NRK: variants seen among roughly 807,000 people sequenced by gnomAD.
The protein encoded by NRK is nik-related protein kinase.
Under a neutral mutation model 125.2 loss-of-function variants are expected in NRK, and 67 were observed. The observed-to-expected ratio is 0.54, with a 90% confidence interval of 0.44 to 0.66. NRK has a LOEUF of 0.66. NRK is among the 30% of genes least tolerant of loss of function. The pLI is 0.00. For missense variants in NRK, 1,224 were observed against 1,192.9 expected (o/e 1.03, Z -0.38); for synonymous variants, 458 against 429.0 (o/e 1.07, Z -0.84).
intron 19 of NRK, among the ~76,000 whole-genome samples, chrX:105,933,047 C>T (rs1483911801): frequency 9.0e-6 from 1 of 110,800 alleles, no homozygotes; most frequent in Non-Finnish European, 1.9e-5. Flanking sequence ...ATATGATAGG[C>T]ACACAGTAAT....
At chrX:105,910,211 A>C (rs2040281119) in intron 13 of NRK, among the ~76,000 whole-genome samples, 1 of 112,171 alleles carries the variant, frequency 8.9e-6, no homozygotes, top group African/African-American at 3.2e-5. Flanking sequence ...TCATAGCTTA[A>C]AATTTCAAAG....
chrX:105,893,860 C>G lies in NRK; in HGVS notation c.407C>G (p.Ser136Trp). ...WMVMELCAAG[S>W]VTDVVRMTSN... ...GTGATGGAGTTATGTGCAGCAGGTT[C>G]GGTCACTGATGTAGTGAGAATGACC... The change falls in exon 6 of 29, where the codon TCG becomes TGG. Residue 136 changes from serine to tryptophan, a missense_variant. Coordinates refer to ENST00000243300, the MANE Select transcript of NRK (RefSeq NM_198465.4). 8.3e-7 allele frequency: 1 copy of G among 1,198,175 alleles called. No individual in the cohort carries two copies. Among genetic ancestry groups the G allele is most frequent in the Non-Finnish European group, 1.1e-6 (1 of 883,625 alleles).
chrX:105,912,122 CT>C (rs1190922640), intron 13 of NRK, among the ~76,000 whole-genome samples: 1 of 111,380 alleles, frequency 9.0e-6, no homozygotes, highest in Non-Finnish European at 1.9e-5. Context: ...TTTTATTAAT[CT>C]TTCAGTTGAA....
In NRK at chrX:105,895,451, G is replaced by T; in HGVS notation, c.508G>T (p.Ala170Ser). ...EILQGLAHLH[A>S]HRVIHRDIKG... ...TATACAGGGCTTAGCTCACCTTCAC[G>T]CACACCGAGTAATTCACCGGGACAT... Residue 170 changes from alanine to serine, a missense_variant, in exon 7 of 29, where the codon GCA (alanine) becomes TCA (serine). By Grantham distance (99) the Ala-to-Ser change is moderately conservative. Coordinates refer to ENST00000243300, the MANE Select transcript of NRK (RefSeq NM_198465.4). 2 of 1,202,119 alleles carry T rather than the reference G, an allele frequency of 1.7e-6. No homozygotes were observed. The highest frequency in any genetic ancestry group is 2.3e-6 in the Non-Finnish European group (2 of 887,044).
chrX:105,880,092 A>G (rs1390359095), intron 2 of NRK, 107 bp from the exon 3 acceptor site: 1 of 290,926 alleles, frequency 3.4e-6, no homozygotes, highest in Non-Finnish European at 6.1e-6. Context: ...ATATTTTATA[A>G]CATACAATGT....
In NRK at chrX:105,831,035, T is replaced by G. The variant is rs759705929; in HGVS notation, c.58-19T>G. ...AATTTCCTAAGAAGATTAACAATTT[T>G]TATTTTACTTTTTTGCAGGATCCAA... On this transcript the variant is annotated intron_variant, in intron 1 of 28. Coordinates refer to ENST00000243300, the MANE Select transcript of NRK (RefSeq NM_198465.4). The G allele has an allele frequency of 8.5e-5, 90 of 1,056,061 alleles. No individual in the cohort carries two copies. The highest frequency in any genetic ancestry group is 8.1e-5 in the Non-Finnish European group (62 of 761,829). 87.0% of individuals were successfully genotyped at this position (1,056,061 alleles called of 1,213,427 possible). A position where few individuals can be genotyped will look rare whatever the true frequency, so the allele number is the denominator to read the frequency against.
chrX:105,899,822 G>A (rs1302997326), intron 8 of NRK, among the ~76,000 whole-genome samples: 4 of 110,426 alleles, frequency 3.6e-5, no homozygotes, highest in Non-Finnish European at 7.6e-5. Flanking sequence ...CAAAAAATTA[G>A]CCAGGCGTGG....
chrX:105,933,193 T>TATC (rs1469896257), intron 19 of NRK, among the ~76,000 whole-genome samples: 1 of 110,717 alleles, frequency 9.0e-6, no homozygotes, highest in East Asian at 2.9e-4. Flanking sequence ...TCTATCTATC[T>TATC]ATCTATCTAT....
chrX:105,948,677 G>A (rs932470256), intron 26 of NRK: 19 of 503,461 alleles, frequency 3.8e-5, no homozygotes, highest in African/African-American at 3.1e-4. Flanking sequence ...ATTGCTTTTC[G>A]TCTCTGGATC....
chrX:105,841,998 T>A (rs925908598), intron 2 of NRK, among the ~76,000 whole-genome samples: 1 of 111,156 alleles, frequency 9.0e-6, no homozygotes, highest in Admixed American at 9.6e-5. Flanking sequence ...AAAGTCAGGA[T>A]TTAAACCAAA....
intron 2 of NRK, among the ~76,000 whole-genome samples, chrX:105,833,383 C>T (rs1328770162): frequency 1.8e-5 from 2 of 111,324 alleles, no homozygotes; most frequent in Non-Finnish European, 3.8e-5. Flanking sequence ...ACATCTTATA[C>T]ATAGACAAAA....
chrX:105,890,294 G>C (rs2040001112), intron 5 of NRK, among the ~76,000 whole-genome samples: 1 of 111,445 alleles, frequency 9.0e-6, no homozygotes, highest in African/African-American at 3.3e-5. Context: ...TCAGCACTTT[G>C]GTCAAGGTCA....
At chrX:105,922,123 A>C in intron 17 of NRK, 62 bp downstream of exon 17, 1 of 546,007 alleles carries the variant, frequency 1.8e-6, no homozygotes, top group Non-Finnish European at 3.1e-6. Context: ...ATTTTGACTT[A>C]CACATTCTCA....
chrX:105,932,112 C>T (rs1403493301), intron 19 of NRK, among the ~76,000 whole-genome samples: 1 of 111,627 alleles, frequency 9.0e-6, no homozygotes, highest in Admixed American at 9.5e-5. Context: ...GCTTATTTCA[C>T]TTTTTAGGTT....
intron 15 of NRK, among the ~76,000 whole-genome samples, chrX:105,916,564 A>G (rs1394284874): frequency 9.0e-6 from 1 of 111,714 alleles, no homozygotes; most frequent in Admixed American, 9.5e-5. Flanking sequence ...GTTATGTAGT[A>G]TATATTTTCT....
chrX:105,841,454 G>T (rs188557079), intron 2 of NRK, among the ~76,000 whole-genome samples: 24 of 111,830 alleles, frequency 2.1e-4, no homozygotes, highest in African/African-American at 7.5e-4. Context: ...TAGAAATTAT[G>T]ATATGACGGT....
In NRK at chrX:105,912,692, G is replaced by A. The variant is rs757357739; in HGVS notation, c.2286G>A (p.Ser762=). 28 of 1,130,988 alleles carry A rather than the reference G, an allele frequency of 2.5e-5. No homozygotes were observed. Among genetic ancestry groups the A allele is most frequent in the Non-Finnish European group, 3.2e-5 (27 of 847,503 alleles). 93.2% of individuals were successfully genotyped at this position (1,130,988 alleles called of 1,213,427 possible). Residue 762 remains serine, a synonymous_variant, in exon 14 of 29, where the codon TCG becomes TCA. Coordinates refer to ENST00000243300, the MANE Select transcript of NRK (RefSeq NM_198465.4). ...CAGACAATGATGAAGTATTTCATTC[G>A]ATTCAGGCTGAAGTCCAGATAGAGC... ...ESSDNDEVFH[S]IQAEVQIEPL...
Position 105,908,973 on chromosome X carries a change from G to T in NRK, c.1332G>T (p.Arg444=), listed in dbSNP as rs2040256726. ...CTCAACGACTACAAGGGGCAGCTCG[G>T]GTGTTCATGCCACTACAGGCTCAGG... ...QAPQRLQGAA[R]VFMPLQAQVK... is the part of the protein sequence containing the mutation. The change falls in exon 13 of 29, where the codon CGG becomes CGT. Residue 444 remains arginine, a synonymous_variant. Transcript: ENST00000243300. 1 of 1,206,731 alleles carries T rather than the reference G, an allele frequency of 8.3e-7. No individual in the cohort carries two copies. The highest frequency in any genetic ancestry group is 2.2e-5 in the Admixed American group (1 of 45,649).
At chrX:105,901,761 C>G (rs1303069594) in intron 9 of NRK, among the ~76,000 whole-genome samples, 3 of 111,248 alleles carry the variant, frequency 2.7e-5, no homozygotes, top group Non-Finnish European at 5.7e-5. Flanking sequence ...GCCCCCAAAT[C>G]AGCAAAGTAC....
Sources: gnomAD v4.1 joint callset for allele counts (sites outside exome capture counted in the v4.1 genomes callset) on GRCh38, gnomAD v4.1.1 for gene constraint, MANE v1.5 for transcripts, NCBI Gene and HGNC (gene_info 2026-07-23, HGNC 2026-07-21) for gene names.